GLRX3: variants seen among roughly 807,000 people sequenced by gnomAD.
GLRX3 encodes glutaredoxin-3.
In GLRX3, 22 loss-of-function variants were observed where a neutral mutation model predicts 49.5. The observed-to-expected ratio is 0.44, with a 90% CI of 0.32 to 0.63. The LOEUF (loss-of-function observed/expected upper bound fraction) is 0.63, where lower values mean the gene tolerates loss of function less well. GLRX3 is among the 30% of genes least tolerant of loss of function. The pLI, the probability that GLRX3 is intolerant of heterozygous loss-of-function variation, is 0.05. For missense variants in GLRX3, 385 were observed against 396.3 expected (o/e 0.97, Z 0.24); for synonymous variants, 133 against 140.0 (o/e 0.95, Z 0.35).
intron 2 of GLRX3, among the ~76,000 whole-genome samples, chr10:130,151,045 A>G (rs574873779): frequency 2.0e-4 from 30 of 151,566 alleles, no homozygotes; most frequent in African/African-American, 7.3e-4. Context: ...CTCCTGCCTC[A>G]GCCTCCTGAG....
intron 4 of GLRX3, among the ~76,000 whole-genome samples, chr10:130,164,601 T>C (rs939591174): frequency 6.6e-6 from 1 of 152,192 alleles, no homozygotes; most frequent in African/African-American, 2.4e-5. Flanking sequence ...ACATTACTTT[T>C]CTACATTTAA....
intron 1 of GLRX3, among the ~76,000 whole-genome samples, chr10:130,138,302 G>T (rs1590053954): frequency 1.3e-5 from 2 of 151,972 alleles, no homozygotes; most frequent in Non-Finnish European, 2.9e-5. Context: ...CAAGTGATTC[G>T]CCTGCCTCGG....
At chr10:130,170,672 G>A (rs1427173916) in intron 7 of GLRX3, among the ~76,000 whole-genome samples, 2 of 151,886 alleles carry the variant, frequency 1.3e-5, no homozygotes. Flanking sequence ...TTTTTTTCTG[G>A]AAACCTAGAA....
intron 4 of GLRX3, among the ~76,000 whole-genome samples, chr10:130,165,531 A>G (rs568565132): frequency 1.3e-5 from 2 of 152,338 alleles, no homozygotes; most frequent in Admixed American, 1.3e-4. Context: ...ATAGTTTTAA[A>G]AAAGAAACTG....
At chr10:130,164,915 G>A (rs1862652227) in intron 4 of GLRX3, among the ~76,000 whole-genome samples, 1 of 152,206 alleles carries the variant, frequency 6.6e-6, no homozygotes. Flanking sequence ...AAAAATTTCA[G>A]AATCAGTGTT....
At chr10:130,145,455 T>TTTGAGACCACCTGAGTTCAGG in intron 2 of GLRX3, 136 bp downstream of exon 2, 1 of 505,966 alleles carries the variant, frequency 2.0e-6, no homozygotes, top group East Asian at 3.1e-5. Flanking sequence ...CTGAGTTCAG[T>TTTGAGACCACCTGAGTTCAGG]AGTTTGAGAC....
chr10:130,136,657 C>T lies in GLRX3; in HGVS notation c.92+145C>T, dbSNP rs928809590. 7.5e-5 allele frequency: 77 copies of T among 1,030,016 alleles called. No homozygotes were observed. In the Admixed American group the frequency reaches 2.7e-3, roughly 36 times the overall value. The allele number at this position is 1,030,016 out of a possible 1,614,324, so 63.8% of individuals were successfully genotyped here. The stretch of plus-strand genomic sequence containing the variant: ...TCGGGGGACCGGGCCCGGCGCCACC[C>T]GTAGACTCCCCCGAGCCTCCGCGTG... On this transcript the variant is annotated intron_variant, in intron 1 of 10. Coordinates refer to ENST00000331244, the MANE Select transcript of GLRX3 (RefSeq NM_006541.5).
intron 10 of GLRX3, 80 bp downstream of exon 10, chr10:130,175,169 C>A: frequency 1.2e-6 from 1 of 832,302 alleles, no homozygotes; most frequent in Non-Finnish European, 2.1e-6. Flanking sequence ...TGAATGGAAA[C>A]TTGAGAGTTG....
intron 3 of GLRX3, 71 bp from the exon 4 acceptor site, chr10:130,160,725 T>C (rs1862558401): frequency 2.2e-6 from 2 of 900,534 alleles, no homozygotes; most frequent in Admixed American, 3.6e-5. Flanking sequence ...TTGTCCCCTT[T>C]AAAAATCTGC....
chr10:130,147,651 T>C (rs1159384809), intron 2 of GLRX3, among the ~76,000 whole-genome samples: 1 of 150,582 alleles, frequency 6.6e-6, no homozygotes. Context: ...AAAGGTACTT[T>C]CCATGGCATT....
Position 130,160,947 on chromosome 10 carries a change from C to G in GLRX3, c.428C>G (p.Ala143Gly), listed in dbSNP as rs760052026. 56 of 1,613,700 alleles carry G rather than the reference C, an allele frequency of 3.5e-5. No homozygotes were observed. The highest frequency in any genetic ancestry group is 4.4e-5 in the Non-Finnish European group (52 of 1,179,846). The stretch of plus-strand genomic sequence containing the variant: ...CTTCGCTTGAAGAAATTGACTCATG[C>G]TGCCCCCTGCATGCTGTTTATGAAA... ...LNLRLKKLTH[A>G]APCMLFMKGT... Residue 143 changes from alanine (A) to glycine (G), a missense_variant, in exon 4 of 11, where the codon GCT (alanine) becomes GGT (glycine). Ala to Gly is a moderately conservative substitution (Grantham distance 60). This residue lies in a region of GLRX3 where 374 missense variants were observed against 358.6 expected (regional missense o/e 1.04). Coordinates refer to ENST00000331244, the MANE Select transcript of GLRX3 (RefSeq NM_006541.5).
At chr10:130,138,362 T>C (rs1259612850) in intron 1 of GLRX3, among the ~76,000 whole-genome samples, 1 of 152,096 alleles carries the variant, frequency 6.6e-6, no homozygotes, top group Non-Finnish European at 1.5e-5. Flanking sequence ...ACCTGCCCTG[T>C]TGATCTAAAT....
intron 5 of GLRX3, 93 bp downstream of exon 5, chr10:130,166,772 T>C (rs1293017675): frequency 3.0e-6 from 3 of 1,013,508 alleles, no homozygotes; most frequent in Non-Finnish European, 4.5e-6. Flanking sequence ...AAATTTCTTA[T>C]GAATCTATAT....
intron 10 of GLRX3, among the ~76,000 whole-genome samples, chr10:130,178,545 C>T (rs1862965626): frequency 1.3e-5 from 2 of 152,012 alleles, no homozygotes; most frequent in African/African-American, 2.4e-5. Flanking sequence ...TGAGCCACTG[C>T]GCCCAGCCAC....
At chr10:130,148,075 G>C (rs943606261) in intron 2 of GLRX3, among the ~76,000 whole-genome samples, 2 of 152,118 alleles carry the variant, frequency 1.3e-5, no homozygotes, top group Non-Finnish European at 2.9e-5. Flanking sequence ...GTTAATGAGA[G>C]TTTTTGGAAA....
At chr10:130,153,951 GT>G (rs1005063640) in intron 2 of GLRX3, among the ~76,000 whole-genome samples, 65 of 152,212 alleles carry the variant, frequency 4.3e-4, no homozygotes, top group African/African-American at 1.6e-3. Context: ...GCTTCACCCA[GT>G]TTGAGCTTCC....
chr10:130,179,089 C>T (rs145557896), intron 10 of GLRX3, among the ~76,000 whole-genome samples: 2,948 of 152,266 alleles, frequency 0.019, 32 homozygotes, highest in Non-Finnish European at 0.032. Context: ...CTGCCCACCT[C>T]GGCCTCCCAA....
At chr10:130,143,252 C>T (rs1298677936) in intron 1 of GLRX3, among the ~76,000 whole-genome samples, 2 of 152,200 alleles carry the variant, frequency 1.3e-5, no homozygotes, top group African/African-American at 4.8e-5. Context: ...TTATTCTCTT[C>T]TCGCTGGTAT....
chr10:130,164,328 G>A (rs1344891392), intron 4 of GLRX3, among the ~76,000 whole-genome samples: 2 of 152,204 alleles, frequency 1.3e-5, no homozygotes, highest in African/African-American at 2.4e-5. Flanking sequence ...CCTTGAGCAG[G>A]TTAATTATTT....
Sources: allele counts gnomAD v4.1 joint callset (sites outside exome capture counted in the v4.1 genomes callset), GRCh38; gene constraint gnomAD v4.1.1; regional missense constraint gnomAD v4.1.1; transcripts MANE v1.5; gene names NCBI Gene and HGNC (gene_info 2026-07-23, HGNC 2026-07-21).